Variants in RPH3AL observed in about 807,000 individuals in gnomAD.
RPH3AL encodes rabphilin 3A like (without C2 domains).
In RPH3AL, 38 loss-of-function variants were observed where a neutral mutation model predicts 43.1. That is an observed-to-expected ratio of 0.88 (90% CI 0.68 to 1.15). The LOEUF (loss-of-function observed/expected upper bound fraction) is 1.15, where lower values mean the gene tolerates loss of function less well. Among genes scored for constraint, RPH3AL ranks in the 50% most tolerant of loss-of-function variants. The probability of loss-of-function intolerance (pLI) is 0.00; values close to 1 mark genes in which losing one functional copy is unlikely to be tolerated. For missense variants in RPH3AL, 462 were observed against 423.2 expected, an observed-to-expected ratio of 1.09 and a Z score of -0.81; for synonymous variants, 189 against 176.3, an observed-to-expected ratio of 1.07 and a Z score of -0.57.
chr17:286,285 G>A (rs550692645), intron 5 of RPH3AL, among the ~76,000 whole-genome samples: 55 of 152,232 alleles, frequency 3.6e-4, no homozygotes, highest in Admixed American at 2.8e-3. Context: ...CTGGGCCCAC[G>A]AACCTCTGCC....
intron 6 of RPH3AL, among the ~76,000 whole-genome samples, chr17:250,761 G>A (rs549196637): frequency 1.4e-5 from 2 of 147,878 alleles, no homozygotes; most frequent in African/African-American, 5.2e-5. Context: ...CCTTTACCAA[G>A]CTCTGCCACT....
intron 6 of RPH3AL, among the ~76,000 whole-genome samples, chr17:280,631 G>A (rs982780687): frequency 1.3e-5 from 2 of 152,122 alleles, no homozygotes; most frequent in African/African-American, 2.4e-5. Context: ...AAACTTCCAA[G>A]GAAAACTAAC....
At chr17:244,277 T>A (rs1007972846) in intron 7 of RPH3AL, among the ~76,000 whole-genome samples, 3 of 151,974 alleles carry the variant, frequency 2.0e-5, no homozygotes, top group Admixed American at 2.0e-4. Flanking sequence ...CCTCTATTGA[T>A]TACCCTTCCT....
chr17:276,188 T>C (rs2042651424), intron 6 of RPH3AL, among the ~76,000 whole-genome samples: 1 of 152,226 alleles, frequency 6.6e-6, no homozygotes, highest in African/African-American at 2.4e-5. Flanking sequence ...TGGCTGTTAA[T>C]AGGAATGACA....
At position 274,749 on chromosome 17, in the gene RPH3AL, G is replaced by A. The variant is rs909896097; in HGVS notation, c.438+7019C>T. Among the ~76,000 whole-genome samples the A allele has an allele frequency of 5.3e-5, 8 of 152,142 alleles. No homozygotes were observed. The highest frequency in any genetic ancestry group is 1.7e-4 in the African/African-American group (7 of 41,416). The stretch of plus-strand genomic sequence containing the variant: ...GCCTTGGAGTCAATCCTGGGTCTGC[G>A]GGGCTTAGGCTGCTGCAGAAGCGGG... On this transcript the variant is annotated intron_variant, in intron 6 of 9. Transcript: ENST00000331302. The surrounding 1 kb of genome is among the most constrained non-coding windows in gnomAD (Gnocchi z 4.7).
chr17:232,294 C>T (rs2041247465), intron 7 of RPH3AL, among the ~76,000 whole-genome samples: 1 of 152,216 alleles, frequency 6.6e-6, no homozygotes, highest in African/African-American at 2.4e-5. Context: ...GGCCCCGTCA[C>T]AGGTTGTTGG....
Position 328,585 on chromosome 17 carries a change from C to T in RPH3AL, c.-36-1006G>A, listed in dbSNP as rs1598142388. ...CAAGAGTACCCAAAACATACGTCCT[C>T]ACCAAAACCTGTACACAAACGTTCT... On this transcript the variant is annotated intron_variant, in intron 2 of 9. Coordinates refer to ENST00000331302, the MANE Select transcript of RPH3AL (RefSeq NM_006987.4). The surrounding 1 kb of genome is among the most constrained non-coding windows in gnomAD (Gnocchi z 4.2). Among the ~76,000 whole-genome samples, 2 of 152,172 alleles carry T rather than the reference C, an allele frequency of 1.3e-5. No individual in the cohort carries two copies. The highest frequency in any genetic ancestry group is 4.8e-5 in the African/African-American group (2 of 41,412).
chr17:213,961 C>A, intron 9 of RPH3AL, 38 bp from the exon 10 acceptor site: 2 of 1,500,574 alleles, frequency 1.3e-6, no homozygotes, highest in Non-Finnish European at 1.8e-6. Flanking sequence ...TGGTGAGCAG[C>A]GGTGGAGTCC....
At chr17:238,458 T>C (rs1274858460) in intron 7 of RPH3AL, among the ~76,000 whole-genome samples, 1 of 152,196 alleles carries the variant, frequency 6.6e-6, no homozygotes, top group Non-Finnish European at 1.5e-5. Context: ...TCCTCGGCGT[T>C]GGAGGCAGAG....
chr17:302,922 G>A (rs141820275), intron 5 of RPH3AL, among the ~76,000 whole-genome samples: 286 of 152,352 alleles, frequency 1.9e-3, no homozygotes, highest in Non-Finnish European at 3.4e-3. Context: ...CCCAGACCCC[G>A]AAGGTCAGGG....
rs2041724732 is a variant in RPH3AL, at chr17:245,218, T to G, written c.613+1893A>C. On this transcript the variant is annotated intron_variant, in intron 7 of 9. Transcript: ENST00000331302. The surrounding 1 kb of genome is among the most constrained non-coding windows in gnomAD (Gnocchi z 5.9). ...GTGTGGATGTGAGCGTGTGTGTCCA[T>G]GTGGATGTGTGTGTGCGTGTGGATG... Among the ~76,000 whole-genome samples, 3 of 149,216 alleles carry G rather than the reference T, an allele frequency of 2.0e-5. No individual in the cohort carries two copies. Among genetic ancestry groups the G allele is most frequent in the Non-Finnish European group, 3.0e-5 (2 of 67,288 alleles).
At position 239,000 on chromosome 17, in the gene RPH3AL, G is replaced by A. The variant is rs565161218; in HGVS notation, c.613+8111C>T. 2.4e-4 allele frequency among the ~76,000 whole-genome samples: 37 copies of A among 152,326 alleles called. 1 individual carries two copies. In the East Asian group the frequency reaches 6.8e-3, roughly 28 times the overall value. ...ACACTGTCTGCAGGGATCAGGTGGA[G>A]GGGGAGAGACATCGCTCAGAGGCAG... is the stretch of plus-strand genomic sequence containing the variant. On this transcript the variant is annotated intron_variant, in intron 7 of 9. Transcript: ENST00000331302.
Position 215,780 on chromosome 17 carries a change from C to A in RPH3AL, c.750G>T (p.Arg250Ser). 1 of 1,308,276 alleles carries A rather than the reference C, an allele frequency of 7.6e-7. No homozygotes were observed. Among genetic ancestry groups the A allele is most frequent in the South Asian group, 2.6e-5 (1 of 37,852 alleles). 81.0% of individuals were successfully genotyped at this position (1,308,276 alleles called of 1,614,324 possible). ...KESGGSVEAP[R>S]MGFTHPPGHL... ...GGCCCGGCGGGTGGGTGAACCCCAT[C>A]CTGGGGGCCTCCACGCTGCCACCTG... The change falls in exon 9 of 10, where the codon AGG becomes AGT. Residue 250 changes from arginine (R) to serine (S), a missense_variant. Coordinates refer to ENST00000331302, the MANE Select transcript of RPH3AL (RefSeq NM_006987.4). This position sits in a 1 kb window ranked among gnomAD's most constrained non-coding sequence, Gnocchi z 4.1.
intron 2 of RPH3AL, among the ~76,000 whole-genome samples, chr17:329,425 G>A (rs141107385): frequency 0.032 from 4,840 of 152,218 alleles, 259 homozygotes; most frequent in African/African-American, 0.11. Context: ...GCAGTGAGCC[G>A]AGATCAAGCC....
Position 319,458 on chromosome 17 carries a change from G to C in RPH3AL, c.313C>G (p.Leu105Val), listed in dbSNP as rs1406340625. The C allele has an allele frequency of 4.3e-6, 7 of 1,612,518 alleles. No homozygotes were observed. The highest frequency in any genetic ancestry group is 5.9e-6 in the Non-Finnish European group (7 of 1,179,912). Residue 105 changes from leucine (L) to valine (V), a missense_variant, in exon 5 of 10, where the codon CTG (leucine) becomes GTG (valine). Transcript: ENST00000331302. ...TTGCAGAACACCGACGAGCTGCCCA[G>C]GAAGCCCAGCACCTCCCCGCAGAGC... Reference protein sequence around the residue: ...CLLCGEVLGFLGSSSVFCKDC... With the variant: ...CLLCGEVLGFVGSSSVFCKDC...
At chr17:315,563 G>A (rs2043992046) in intron 5 of RPH3AL, among the ~76,000 whole-genome samples, 2 of 36,186 alleles carry the variant, frequency 5.5e-5, no homozygotes, top group Admixed American at 4.8e-4. Flanking sequence ...TAGTCCCTGT[G>A]CCCCACCTCC....
chr17:294,792 G>A (rs1200296926), intron 5 of RPH3AL, among the ~76,000 whole-genome samples: 2 of 74,220 alleles, frequency 2.7e-5, no homozygotes, highest in Non-Finnish European at 6.2e-5. Context: ...CAGAGGGAAT[G>A]CACATCAGTG....
intron 6 of RPH3AL, among the ~76,000 whole-genome samples, chr17:259,630 C>T (rs1415350420): frequency 2.6e-5 from 4 of 152,200 alleles, no homozygotes; most frequent in Non-Finnish European, 5.9e-5. Flanking sequence ...CGGCTCCCCA[C>T]GTGTGGTTTG....
rs74532896 is a variant in RPH3AL, at chr17:234,899, G to A, written c.613+12212C>T. On this transcript the variant is annotated intron_variant, in intron 7 of 9. Coordinates refer to ENST00000331302, the MANE Select transcript of RPH3AL (RefSeq NM_006987.4). ...GGCATAGCAGCAGCTGGCTCTGGGCGGTCAGCAATCCTATCTGAAAATAAA... is the reference window on the plus strand; with the variant it reads ...GGCATAGCAGCAGCTGGCTCTGGGCAGTCAGCAATCCTATCTGAAAATAAA... Among the ~76,000 whole-genome samples, 323 of 152,286 alleles carry A rather than the reference G, an allele frequency of 2.1e-3. 5 individuals are homozygous for A. The highest frequency in any genetic ancestry group is 7.3e-3 in the African/African-American group (302 of 41,564).
Sources: allele counts gnomAD v4.1 joint callset (sites outside exome capture counted in the v4.1 genomes callset), GRCh38; gene constraint gnomAD v4.1.1; non-coding constraint Gnocchi (gnomAD v3.1); transcripts MANE v1.5; gene names NCBI Gene and HGNC (gene_info 2026-07-23, HGNC 2026-07-21).